The following GPR107 variants were observed in gnomAD, a reference collection of about 807,000 sequenced individuals.
GPR107 encodes protein GPR107.
In GPR107, 31 loss-of-function variants were observed where a neutral mutation model predicts 75.5. That is an observed-to-expected ratio of 0.41 (90% CI 0.31 to 0.55). The LOEUF is 0.55. Ranked by LOEUF, GPR107 falls within the 20% of genes least tolerant of loss-of-function variation. The pLI, the probability that GPR107 is intolerant of heterozygous loss-of-function variation, is 0.26. For missense variants in GPR107, 572 were observed against 665.7 expected (o/e 0.86, Z 1.55); for synonymous variants, 267 against 251.3 (o/e 1.06, Z -0.59).
chr9:130,097,407 G>C (rs1181997860), intron 9 of GPR107, among the ~76,000 whole-genome samples: 1 of 151,546 alleles, frequency 6.6e-6, no homozygotes, highest in East Asian at 2.0e-4. Context: ...CTCCCGCCTC[G>C]GCCTCCCAAA....
intron 6 of GPR107, 45 bp downstream of exon 6, chr9:130,083,647 G>A (rs896452936): frequency 3.0e-5 from 35 of 1,155,976 alleles, no homozygotes; most frequent in Non-Finnish European, 4.1e-5. Flanking sequence ...CTGGATATGT[G>A]TGTACGTGTG....
chr9:130,139,286 C>T lies in GPR107; in HGVS notation c.*4165C>T, dbSNP rs879979908. ...AAAGTACCAAATGTTCTGAAAGACCCGCTCTTCACTCCAGTTTTCCCTAGG... is the reference window on the plus strand; with the variant it reads ...AAAGTACCAAATGTTCTGAAAGACCTGCTCTTCACTCCAGTTTTCCCTAGG... On this transcript the variant is annotated 3_prime_UTR_variant, in exon 18 of 18. Coordinates refer to ENST00000347136, the MANE Select transcript of GPR107 (RefSeq NM_020960.5). The T allele has an allele frequency of 2.0e-5, 3 of 152,158 alleles. No individual in the cohort carries two copies. Among genetic ancestry groups the T allele is most frequent in the Non-Finnish European group, 4.4e-5 (3 of 68,036 alleles). The allele number at this position is 152,158 out of a possible 1,614,324, so 9.4% of individuals were successfully genotyped here.
chr9:130,135,339 C>T lies in GPR107; in HGVS notation c.*218C>T, dbSNP rs534915037. 32 of 326,754 alleles carry T rather than the reference C, an allele frequency of 9.8e-5. No homozygotes were observed. Among genetic ancestry groups the T allele is most frequent in the Non-Finnish European group, 1.5e-4 (26 of 176,670 alleles). The allele number at this position is 326,754 out of a possible 1,614,324, so 20.2% of individuals were successfully genotyped here. A position where few individuals can be genotyped will look rare whatever the true frequency, so the allele number is the denominator to read the frequency against. On this transcript the variant is annotated 3_prime_UTR_variant, in exon 18 of 18. Transcript: ENST00000347136. ...AGAGGCAGCTGGATCCTCTTTCAGG[C>T]GGGAATGGGAGGGCGGGCACAGGGA...
chr9:130,058,685 G>A (rs10819593), intron 1 of GPR107, among the ~76,000 whole-genome samples: 88,428 of 151,908 alleles, frequency 0.58, 25,834 homozygotes, highest in East Asian at 0.81. Context: ...GGCTTGTCTC[G>A]AACTCCTGGC....
chr9:130,121,404 A>G (rs1032409139), intron 14 of GPR107, among the ~76,000 whole-genome samples: 3 of 152,238 alleles, frequency 2.0e-5, no homozygotes, highest in African/African-American at 7.2e-5. Flanking sequence ...GTTGGGCCGC[A>G]TTCAAAGCTG....
intron 1 of GPR107, among the ~76,000 whole-genome samples, chr9:130,066,215 C>T (rs914350873): frequency 6.6e-6 from 1 of 152,094 alleles, no homozygotes; most frequent in Non-Finnish European, 1.5e-5. Context: ...AGGAGAATCG[C>T]TTGAACCCGG....
intron 1 of GPR107, among the ~76,000 whole-genome samples, chr9:130,055,946 C>CAAATAAAT (rs143338115): frequency 1.8e-3 from 269 of 151,050 alleles, no homozygotes; most frequent in East Asian, 0.01. Context: ...TACTCTGTCT[C>CAAATAAAT]AAATAAATAA....
At chr9:130,098,472 T>C (rs1177125487) in intron 9 of GPR107, among the ~76,000 whole-genome samples, 1 of 152,182 alleles carries the variant, frequency 6.6e-6, no homozygotes, top group African/African-American at 2.4e-5. Context: ...CGCTTTCTGC[T>C]TTCCTAGGAG....
chr9:130,121,181 T>TCAAAACAAAA (rs77505902), intron 14 of GPR107, among the ~76,000 whole-genome samples: 8,430 of 140,760 alleles, frequency 0.06, 253 homozygotes, highest in African/African-American at 0.075. Flanking sequence ...AGACCCTATC[T>TCAAAACAAAA]CAAAACAAAA....
chr9:130,071,872 A>C (rs1378994506), intron 1 of GPR107, among the ~76,000 whole-genome samples: 1 of 151,892 alleles, frequency 6.6e-6, no homozygotes, highest in Non-Finnish European at 1.5e-5. Context: ...TTTAGTAGAG[A>C]CGGGGTTTCA....
Position 130,133,111 on chromosome 9 carries a change from G to A in GPR107, c.1563-1914G>A, listed in dbSNP as rs568783622. ...TGTCTCTGTTGGAAGTGGCTTTGCA[G>A]GGTTGCTGTGGAAGACCATCTCTTC... On this transcript the variant is annotated intron_variant, in intron 17 of 17. Transcript: ENST00000347136. The A allele has an allele frequency of 3.3e-5, 5 of 152,300 alleles. No individual in the cohort carries two copies. In the East Asian group the frequency reaches 7.7e-4, roughly 24 times the overall value. The allele number at this position is 152,300 out of a possible 1,614,324, so 9.4% of individuals were successfully genotyped here.
rs1831993551 is a variant in GPR107, at chr9:130,137,736, C to T, written c.*2615C>T. 1 of 152,288 alleles carries T rather than the reference C, an allele frequency of 6.6e-6. No homozygotes were observed. Among genetic ancestry groups the T allele is most frequent in the South Asian group, 2.1e-4 (1 of 4,834 alleles). The allele number at this position is 152,288 out of a possible 1,614,324, so 9.4% of individuals were successfully genotyped here. A position where few individuals can be genotyped will look rare whatever the true frequency, so the allele number is the denominator to read the frequency against. On this transcript the variant is annotated 3_prime_UTR_variant, in exon 18 of 18. Transcript: ENST00000347136. ...GATGGAGTCCAAAGCCAAGTGGCTTCACCAGCTGACAAGCCACCCTCCTGC... is the reference window on the plus strand; with the variant it reads ...GATGGAGTCCAAAGCCAAGTGGCTTTACCAGCTGACAAGCCACCCTCCTGC...
intron 14 of GPR107, among the ~76,000 whole-genome samples, chr9:130,117,634 A>G (rs1326903716): frequency 6.6e-6 from 1 of 152,176 alleles, no homozygotes; most frequent in African/African-American, 2.4e-5. Context: ...GCCGAGACTC[A>G]GCGTAAGTCA....
At chr9:130,055,382 T>C (rs2132523308) in intron 1 of GPR107, among the ~76,000 whole-genome samples, 1 of 151,684 alleles carries the variant, frequency 6.6e-6, no homozygotes, top group South Asian at 2.1e-4. Flanking sequence ...GGCAGGAGAA[T>C]GGCGTGAACC....
intron 1 of GPR107, among the ~76,000 whole-genome samples, chr9:130,064,483 A>T (rs1830023255): frequency 6.6e-6 from 1 of 151,512 alleles, no homozygotes; most frequent in Non-Finnish European, 1.5e-5. Flanking sequence ...TACAGGCGTG[A>T]GCCACCGCGC....
chr9:130,065,173 G>A (rs1183681062), intron 1 of GPR107, among the ~76,000 whole-genome samples: 3 of 152,120 alleles, frequency 2.0e-5, no homozygotes, highest in Admixed American at 1.3e-4. Flanking sequence ...ATTCGCAGCC[G>A]GGCACGGTGG....
chr9:130,129,179 G>A (rs909741204), intron 17 of GPR107: 5 of 166,016 alleles, frequency 3.0e-5, no homozygotes, highest in Admixed American at 1.2e-4. Flanking sequence ...ATCCTCTATC[G>A]TCAGATAACT....
intron 14 of GPR107, among the ~76,000 whole-genome samples, chr9:130,114,356 A>C (rs999256362): frequency 2.6e-5 from 4 of 152,018 alleles, no homozygotes; most frequent in African/African-American, 9.7e-5. Context: ...GCCGCAGAGT[A>C]AGACTCCGTC....
intron 14 of GPR107, among the ~76,000 whole-genome samples, chr9:130,117,060 C>T (rs1032948303): frequency 1.6e-4 from 25 of 151,908 alleles, no homozygotes; most frequent in African/African-American, 5.6e-4. Context: ...GATTCTCCTG[C>T]CTCAGTCTCC....
Sources: allele counts gnomAD v4.1 joint callset (sites outside exome capture counted in the v4.1 genomes callset), GRCh38; gene constraint gnomAD v4.1.1; transcripts MANE v1.5; gene names NCBI Gene and HGNC (gene_info 2026-07-23, HGNC 2026-07-21).